PPP1R1C: variants seen among roughly 807,000 people sequenced by gnomAD.
The protein encoded by PPP1R1C is protein phosphatase 1 regulatory subunit 1C.
In PPP1R1C, 15 loss-of-function variants were observed where a neutral mutation model predicts 17.4. The ratio of observed to expected loss-of-function variants is 0.86; its 90% CI spans 0.58 to 1.33. The LOEUF is 1.33. Among genes scored for constraint, PPP1R1C ranks in the 40% most tolerant of loss-of-function variants. The pLI, the probability that PPP1R1C is intolerant of heterozygous loss-of-function variation, is 0.00. For synonymous variants in PPP1R1C, 35 were observed against 43.1 expected (o/e 0.81, Z 0.73); for missense variants, 143 against 130.0 (o/e 1.10, Z -0.48).
intron 2 of PPP1R1C, among the ~76,000 whole-genome samples, chr2:182,001,559 C>T (rs7557113): frequency 0.3 from 46,130 of 151,878 alleles, 7,270 homozygotes; most frequent in Middle Eastern, 0.36. Context: ...ACTTTCCTTC[C>T]ATGTGAACTT....
At chr2:182,039,263 T>C (rs532283588) in intron 2 of PPP1R1C, among the ~76,000 whole-genome samples, 1 of 152,368 alleles carries the variant, frequency 6.6e-6, no homozygotes, top group East Asian at 1.9e-4. Context: ...TTGTTCCATA[T>C]AATTTTGATT....
intron 4 of PPP1R1C, among the ~76,000 whole-genome samples, chr2:182,103,080 A>G (rs1689145834): frequency 6.6e-6 from 1 of 152,216 alleles, no homozygotes; most frequent in Non-Finnish European, 1.5e-5. Context: ...CTGGGATTAC[A>G]GGTGTGAGCC....
At chr2:182,127,682 G>C (rs1689908345) in intron 5 of PPP1R1C, among the ~76,000 whole-genome samples, 1 of 152,042 alleles carries the variant, frequency 6.6e-6, no homozygotes, top group Non-Finnish European at 1.5e-5. Context: ...CCAGAACTGT[G>C]TCACCGGACT....
chr2:181,961,802 G>C lies in PPP1R1C; in HGVS notation n.111+7168G>C, dbSNP rs557749925. The C allele has an allele frequency of 4.6e-6, 6 of 1,302,964 alleles. No homozygotes were observed. The East Asian group carries it at 1.4e-4, about 30-fold the overall frequency. 80.7% of individuals were successfully genotyped at this position (1,302,964 alleles called of 1,614,324 possible). ...ACGGTCAACTCAGAGCTGGCAATCTGGGCTTGTAGGCCTTTTACTTCCTCT... is the reference window on the plus strand; with the variant it reads ...ACGGTCAACTCAGAGCTGGCAATCTCGGCTTGTAGGCCTTTTACTTCCTCT... On this transcript the variant is annotated intron_variant and non_coding_transcript_variant, in intron 1 of 5. Coordinates refer to the PPP1R1C transcript ENST00000464264. This position sits in a 1 kb window ranked among gnomAD's most constrained non-coding sequence, Gnocchi z 5.8.
At chr2:182,090,391 C>T (rs1236419203) in intron 4 of PPP1R1C, among the ~76,000 whole-genome samples, 1 of 151,612 alleles carries the variant, frequency 6.6e-6, no homozygotes, top group African/African-American at 2.4e-5. Context: ...GTTCGATATG[C>T]TTTCTTAAAA....
At chr2:182,061,542 T>C in intron 3 of PPP1R1C, 63 bp downstream of exon 3, 1 of 1,042,794 alleles carries the variant, frequency 9.6e-7, no homozygotes, top group Non-Finnish European at 1.3e-6. Context: ...AAAAATTTGC[T>C]TGATTTGATG....
Position 181,986,073 on chromosome 2 carries a change from T to G in PPP1R1C, c.-38T>G. On this transcript the variant is annotated 5_prime_UTR_variant, in exon 1 of 5. Coordinates refer to ENST00000682840, the MANE Select transcript of PPP1R1C (RefSeq NM_001080545.3). ...GGACACCACTTAGGGTTAGTCTTTC[T>G]GAGCTCTTCACATCTCTGACTAATT... is the stretch of plus-strand genomic sequence containing the variant. The G allele has an allele frequency of 6.5e-7, 1 of 1,540,014 alleles. No individual in the cohort carries two copies. Among genetic ancestry groups the G allele is most frequent in the Non-Finnish European group, 9.0e-7 (1 of 1,112,476 alleles).
chr2:181,985,676 A>C (rs1685277850), upstream of PPP1R1C, among the ~76,000 whole-genome samples: 1 of 152,154 alleles, frequency 6.6e-6, no homozygotes, highest in African/African-American at 2.4e-5. The surrounding 1 kb of genome is among the most constrained non-coding windows in gnomAD (Gnocchi z 4.1). Flanking sequence ...CCATCCCTGC[A>C]ATACTCAGAG....
chr2:181,991,239 A>G (rs1455051809), intron 2 of PPP1R1C, among the ~76,000 whole-genome samples: 2 of 152,138 alleles, frequency 1.3e-5, no homozygotes, highest in African/African-American at 4.8e-5. Context: ...CAAGATGTAT[A>G]TTCAGATTTT....
At chr2:182,068,917 A>AATCTCCTT (rs1688066297) in intron 4 of PPP1R1C, among the ~76,000 whole-genome samples, 1 of 152,184 alleles carries the variant, frequency 6.6e-6, no homozygotes, top group African/African-American at 2.4e-5. Flanking sequence ...CCTGATTTCA[A>AATCTCCTT]ATCTCCTTAA....
chr2:182,086,735 T>G (rs192220553), intron 4 of PPP1R1C, among the ~76,000 whole-genome samples: 74 of 152,324 alleles, frequency 4.9e-4, no homozygotes, highest in African/African-American at 1.6e-3. Context: ...GCTCTATATA[T>G]GTACACTATA....
At chr2:182,109,083 T>A (rs186417747) in intron 4 of PPP1R1C, among the ~76,000 whole-genome samples, 263 of 152,368 alleles carry the variant, frequency 1.7e-3, no homozygotes, top group Non-Finnish European at 2.9e-3. Context: ...TGTTTTAATT[T>A]GCAGTTCTTA....
At chr2:182,041,438 A>C (rs576713272) in intron 2 of PPP1R1C, among the ~76,000 whole-genome samples, 26 of 151,968 alleles carry the variant, frequency 1.7e-4, no homozygotes, top group Middle Eastern at 3.4e-3. Flanking sequence ...GTAAAACTCT[A>C]TCTCTACTAA....
At chr2:182,049,867 C>T (rs142591025) in intron 2 of PPP1R1C, among the ~76,000 whole-genome samples, 119 of 152,296 alleles carry the variant, frequency 7.8e-4, no homozygotes, top group African/African-American at 2.8e-3. Context: ...CAGAAACTCT[C>T]AAATGTCTTA....
chr2:182,102,638 T>C (rs1162058652), intron 4 of PPP1R1C, among the ~76,000 whole-genome samples: 1 of 152,126 alleles, frequency 6.6e-6, no homozygotes, highest in African/African-American at 2.4e-5. Context: ...TCTCAAATTG[T>C]GGATTCAAAT....
chr2:182,010,505 GTTATACTAGTT>G (rs1375869045), intron 2 of PPP1R1C, among the ~76,000 whole-genome samples: 1 of 152,012 alleles, frequency 6.6e-6, no homozygotes, highest in African/African-American at 2.4e-5. Flanking sequence ...TAGTTTACCA[GTTATACTAGTT>G]TTTTGGTGGA....
At chr2:181,992,720 C>T (rs1257754832) in intron 2 of PPP1R1C, among the ~76,000 whole-genome samples, 1 of 134,260 alleles carries the variant, frequency 7.4e-6, no homozygotes, top group Non-Finnish European at 1.7e-5. Flanking sequence ...ATTGAACTTC[C>T]TATCACAGCC....
At chr2:182,125,014 G>A (rs1442525143) in intron 5 of PPP1R1C, among the ~76,000 whole-genome samples, 2 of 152,132 alleles carry the variant, frequency 1.3e-5, no homozygotes, top group Non-Finnish European at 2.9e-5. Context: ...TGCCCATTCA[G>A]TATGATATTG....
At chr2:181,978,888 C>A (rs1318660662) in intron 2 of PPP1R1C, among the ~76,000 whole-genome samples, 1 of 152,124 alleles carries the variant, frequency 6.6e-6, no homozygotes, top group Non-Finnish European at 1.5e-5. Flanking sequence ...ATACCCCTAA[C>A]TGAGCCTAGC....
Sources: allele counts gnomAD v4.1 joint callset (sites outside exome capture counted in the v4.1 genomes callset), GRCh38; gene constraint gnomAD v4.1.1; non-coding constraint Gnocchi (gnomAD v3.1); transcripts MANE v1.5; gene names NCBI Gene and HGNC (gene_info 2026-07-23, HGNC 2026-07-21).